NEO1: variants seen among roughly 807,000 people sequenced by gnomAD.
NEO1 encodes neogenin 1.
A neutral mutation model predicts 159.7 loss-of-function variants in NEO1; 63 were observed. That is an observed-to-expected ratio of 0.39 (90% CI 0.32 to 0.49). NEO1 has a LOEUF of 0.49. NEO1 is among the 20% of genes least tolerant of loss of function. The pLI, the probability that NEO1 is intolerant of heterozygous loss-of-function variation, is 0.85. For missense variants in NEO1, 1,615 were observed against 1,831.0 expected, an observed-to-expected ratio of 0.88 and a Z score of 2.15; for synonymous variants, 633 against 662.0, an observed-to-expected ratio of 0.96 and a Z score of 0.67.
chr15:73,176,112 A>G (rs1324017099), intron 5 of NEO1, among the ~76,000 whole-genome samples: 1 of 152,204 alleles, frequency 6.6e-6, no homozygotes, highest in East Asian at 1.9e-4. Context: ...TTATTTTTAG[A>G]CATTTTTAAT....
chr15:73,283,510 A>G (rs1567691024), intron 23 of NEO1, among the ~76,000 whole-genome samples: 2 of 152,196 alleles, frequency 1.3e-5, no homozygotes, highest in Non-Finnish European at 2.9e-5. Flanking sequence ...GCATGCAGCC[A>G]TTGCCAGCCT....
At chr15:73,203,724 T>C (rs2037049349) in intron 7 of NEO1, among the ~76,000 whole-genome samples, 1 of 152,134 alleles carries the variant, frequency 6.6e-6, no homozygotes. Flanking sequence ...ATTTGTACTA[T>C]AGGTATTTTA....
At chr15:73,270,901 G>A (rs534848417) in intron 18 of NEO1, among the ~76,000 whole-genome samples, 2 of 152,352 alleles carry the variant, frequency 1.3e-5, no homozygotes, top group African/African-American at 2.4e-5. Context: ...AAGTGGACAC[G>A]AGAGGGAAAA....
chr15:73,055,557 A>G (rs149450573), intron 1 of NEO1, among the ~76,000 whole-genome samples: 186 of 152,256 alleles, frequency 1.2e-3, no homozygotes, highest in Admixed American at 0.01. Context: ...CTCATTATAC[A>G]TACTCTGTTT....
At chr15:73,282,038 C>G (rs2041741914) in intron 22 of NEO1, among the ~76,000 whole-genome samples, 1 of 152,170 alleles carries the variant, frequency 6.6e-6, no homozygotes, top group African/African-American at 2.4e-5. Context: ...CACTTCCTTC[C>G]TTCTGACTTG....
rs376488257 is a variant in NEO1, at chr15:73,285,254, G to A, written c.3410+2143G>A. On this transcript the variant is annotated intron_variant, in intron 23 of 28. Coordinates refer to ENST00000261908, the MANE Select transcript of NEO1 (RefSeq NM_002499.4). ...CCTGCCTCAGCCTCCCAAGTAGCTGGGATTACAGGCATGTGCCACCATGCC... is the reference window on the plus strand; with the variant it reads ...CCTGCCTCAGCCTCCCAAGTAGCTGAGATTACAGGCATGTGCCACCATGCC... Among the ~76,000 whole-genome samples the A allele has an allele frequency of 2.6e-4, 39 of 152,040 alleles. No individual in the cohort carries two copies. In the East Asian group the frequency reaches 3.9e-3, roughly 15 times the overall value.
chr15:73,124,415 G>A (rs555255943), intron 3 of NEO1, among the ~76,000 whole-genome samples: 44 of 152,132 alleles, frequency 2.9e-4, no homozygotes, highest in Middle Eastern at 3.4e-3. Flanking sequence ...CTCCCTAATG[G>A]TTTTCCATGT....
chr15:73,083,665 ATGT>A lies in NEO1; in HGVS notation c.130+30865_130+30867del, dbSNP rs201960080. 4.5e-4 allele frequency among the ~76,000 whole-genome samples: 69 copies of A among 152,194 alleles called. 1 individual carries two copies. In the East Asian group the frequency reaches 0.012, roughly 26 times the overall value. On this transcript the variant is annotated intron_variant, in intron 1 of 28. Transcript: ENST00000261908. ...ATGCATTAAATACATAAAATATGAA[ATGT>A]TGTTTTGTGTGTTTTTAACTTGTGA...
chr15:73,145,440 T>C (rs2032807331), intron 5 of NEO1, among the ~76,000 whole-genome samples: 1 of 152,192 alleles, frequency 6.6e-6, no homozygotes, highest in Non-Finnish European at 1.5e-5. Context: ...ATAATTTGTT[T>C]TGATGAAATA....
intron 7 of NEO1, among the ~76,000 whole-genome samples, chr15:73,198,797 G>A (rs1388076187): frequency 6.6e-6 from 1 of 151,684 alleles, no homozygotes; most frequent in Non-Finnish European, 1.5e-5. Flanking sequence ...TGAGTTCAAT[G>A]TGCTTTTCTG....
chr15:73,282,617 A>G (rs191708084), intron 22 of NEO1, among the ~76,000 whole-genome samples: 51 of 152,370 alleles, frequency 3.3e-4, no homozygotes, highest in African/African-American at 1.2e-3. Flanking sequence ...GCTTTACAAA[A>G]TGAGTTTATA....
chr15:73,075,668 G>A lies in NEO1; in HGVS notation c.130+22863G>A, dbSNP rs142439975. Among the ~76,000 whole-genome samples the A allele has an allele frequency of 1.1e-3, 161 of 152,244 alleles. 2 individuals are homozygous for A. The highest frequency in any genetic ancestry group is 6.8e-3 in the Middle Eastern group (2 of 294). On this transcript the variant is annotated intron_variant, in intron 1 of 28. Coordinates refer to ENST00000261908, the MANE Select transcript of NEO1 (RefSeq NM_002499.4). ...TGGCCATGTGAAGATTGAGCCTGTT[G>A]ATGGTTTCTTTTGTATCATAGGATG...
At chr15:73,059,843 C>T (rs1254653833) in intron 1 of NEO1, among the ~76,000 whole-genome samples, 2 of 152,104 alleles carry the variant, frequency 1.3e-5, no homozygotes, top group African/African-American at 4.8e-5. Flanking sequence ...TGAGAATGCT[C>T]ATAATTGAGC....
intron 7 of NEO1, among the ~76,000 whole-genome samples, chr15:73,209,406 T>G (rs2037424269): frequency 6.6e-6 from 1 of 152,224 alleles, no homozygotes; most frequent in South Asian, 2.1e-4. Flanking sequence ...AGTGTTATTG[T>G]TGTTTCCCCA....
chr15:73,277,107 G>T (rs1173228102), intron 21 of NEO1, among the ~76,000 whole-genome samples: 4 of 152,114 alleles, frequency 2.6e-5, no homozygotes, highest in Non-Finnish European at 5.9e-5. Flanking sequence ...TAAATAACTT[G>T]CCCAAAGTCA....
intron 11 of NEO1, 90 bp from the exon 12 acceptor site, chr15:73,253,310 A>C: frequency 1.5e-6 from 1 of 684,120 alleles, no homozygotes; most frequent in Non-Finnish European, 2.4e-6. Context: ...TGAGATGTGC[A>C]TTTGTTTAAA....
At chr15:73,195,043 T>C (rs1287727765) in intron 7 of NEO1, among the ~76,000 whole-genome samples, 2 of 152,228 alleles carry the variant, frequency 1.3e-5, no homozygotes, top group African/African-American at 2.4e-5. Context: ...CCAAAGGTCA[T>C]GGACTTTAAG....
chr15:73,213,300 T>C (rs2037685639), intron 7 of NEO1, among the ~76,000 whole-genome samples: 1 of 152,160 alleles, frequency 6.6e-6, no homozygotes, highest in Admixed American at 6.5e-5. Context: ...CCGTAAGTTA[T>C]TAGGGTACAG....
intron 5 of NEO1, among the ~76,000 whole-genome samples, chr15:73,159,417 T>A (rs79422365): frequency 4.4e-4 from 67 of 152,184 alleles, no homozygotes; most frequent in African/African-American, 1.6e-3. Flanking sequence ...ACTCCACACC[T>A]TTGTGTCTCG....
Sources: allele counts gnomAD v4.1 joint callset (sites outside exome capture counted in the v4.1 genomes callset), GRCh38; gene constraint gnomAD v4.1.1; transcripts MANE v1.5; gene names NCBI Gene and HGNC (gene_info 2026-07-23, HGNC 2026-07-21).